The following MCCC1 variants were observed in gnomAD, a reference collection of about 807,000 sequenced individuals.
MCCC1 encodes methylcrotonoyl-CoA carboxylase subunit alpha, mitochondrial.
In MCCC1, 64 loss-of-function variants were observed where a neutral mutation model predicts 83.8. That is an observed-to-expected ratio of 0.76 (90% CI 0.62 to 0.94). MCCC1 has a LOEUF of 0.94. Among genes scored for constraint, MCCC1 ranks in the 40% least tolerant of loss-of-function variants. The pLI is 0.00. For missense variants in MCCC1, 807 were observed against 904.7 expected (o/e 0.89, Z 1.39); for synonymous variants, 322 against 315.4 (o/e 1.02, Z -0.22).
intron 7 of MCCC1, among the ~76,000 whole-genome samples, chr3:183,063,044 T>C: frequency 6.6e-6 from 1 of 152,084 alleles, no homozygotes; most frequent in East Asian, 1.9e-4. Context: ...AGTGCAGTGG[T>C]GTGACCTAGG....
chr3:183,035,934 G>A (rs968020510), intron 13 of MCCC1, among the ~76,000 whole-genome samples: 13 of 151,022 alleles, frequency 8.6e-5, no homozygotes, highest in African/African-American at 7.3e-5. Flanking sequence ...CTATTAACTC[G>A]TCATTTACAT....
chr3:183,088,020 G>A (rs933272210), intron 3 of MCCC1, among the ~76,000 whole-genome samples: 1 of 152,042 alleles, frequency 6.6e-6, no homozygotes, highest in African/African-American at 2.4e-5. Flanking sequence ...GTCCAGCTGA[G>A]TGACCGAAGA....
intron 17 of MCCC1, 134 bp from the exon 18 acceptor site, chr3:183,017,471 A>G: frequency 1.2e-6 from 1 of 805,658 alleles, no homozygotes; most frequent in Admixed American, 2.1e-5. Flanking sequence ...AATATAAACA[A>G]TAAAACATAA....
chr3:183,058,780 T>G (rs1380772589), intron 7 of MCCC1, among the ~76,000 whole-genome samples: 2 of 152,224 alleles, frequency 1.3e-5, no homozygotes. Context: ...TTCTTCTCGG[T>G]AGGTTTGTGA....
intron 4 of MCCC1, among the ~76,000 whole-genome samples, chr3:183,074,016 G>A (rs1411389151): frequency 6.6e-6 from 1 of 152,196 alleles, no homozygotes; most frequent in African/African-American, 2.4e-5. Flanking sequence ...CATCCTGGGA[G>A]GGACAAAGCA....
At chr3:183,026,712 GA>G (rs970047666) in intron 14 of MCCC1, among the ~76,000 whole-genome samples, 5 of 147,944 alleles carry the variant, frequency 3.4e-5, no homozygotes, top group African/African-American at 9.9e-5. Flanking sequence ...TCCATCTCAA[GA>G]AAAAAAAAAT....
At chr3:183,021,720 T>C (rs1712176272) in intron 16 of MCCC1, among the ~76,000 whole-genome samples, 1 of 152,182 alleles carries the variant, frequency 6.6e-6, no homozygotes, top group Admixed American at 6.5e-5. Context: ...TAATTGGCTA[T>C]GGAAAGGAAT....
chr3:183,071,161 A>T (rs1716648629), intron 6 of MCCC1, 41 bp from the exon 7 acceptor site: 1 of 1,614,206 alleles, frequency 6.2e-7, no homozygotes, highest in African/African-American at 1.3e-5. Context: ...CATAAATAAA[A>T]CAAAGAAGAC....
chr3:183,026,311 G>C (rs1294204734), intron 14 of MCCC1, among the ~76,000 whole-genome samples: 2 of 152,188 alleles, frequency 1.3e-5, no homozygotes, highest in African/African-American at 4.8e-5. Context: ...CAAAGTGCTA[G>C]AATTACAGAC....
chr3:183,111,455 A>C (rs1204678931), intron 1 of MCCC1, among the ~76,000 whole-genome samples: 1 of 151,994 alleles, frequency 6.6e-6, no homozygotes. Flanking sequence ...ACCTACCACC[A>C]CGCCTGGCTA....
intron 12 of MCCC1, among the ~76,000 whole-genome samples, chr3:183,037,831 A>C (rs1386730971): frequency 6.6e-6 from 1 of 152,240 alleles, no homozygotes; most frequent in East Asian, 1.9e-4. Context: ...GGAAGACTGC[A>C]AACAGCAAGC....
intron 7 of MCCC1, among the ~76,000 whole-genome samples, chr3:183,067,842 GT>G (rs1257319266): frequency 6.6e-6 from 1 of 152,090 alleles, no homozygotes; most frequent in Non-Finnish European, 1.5e-5. Flanking sequence ...ATATATTACT[GT>G]TATACTCTTT....
chr3:183,036,062 T>C (rs2108467695), intron 13 of MCCC1, among the ~76,000 whole-genome samples: 1 of 141,740 alleles, frequency 7.1e-6, no homozygotes, highest in South Asian at 2.4e-4. Context: ...CACCTATGAG[T>C]GAGAACATGC....
chr3:183,062,356 T>G (rs951554035), intron 7 of MCCC1, among the ~76,000 whole-genome samples: 6 of 131,742 alleles, frequency 4.6e-5, no homozygotes, highest in African/African-American at 1.8e-4. Context: ...TTCAGTTTTT[T>G]TTTTTTTTTT....
At position 183,057,416 on chromosome 3, in the gene MCCC1, T is replaced by C. The variant is rs567236851; in HGVS notation, c.768A>G (p.Val256=). ...IEKFVDTPRH[V]EVQVFGDHHG... is the part of the protein sequence containing the mutation. ...GGTGATCACCAAACACCTGGACTTC[T>C]ACATGCCTATATAAAAGCAAACATG... Residue 256 remains valine, a synonymous_variant, in exon 8 of 19, where the codon GTA becomes GTG. Coordinates refer to ENST00000265594, the MANE Select transcript of MCCC1 (RefSeq NM_020166.5). 6.9e-6 allele frequency: 11 copies of C among 1,601,844 alleles called. No homozygotes were observed. Among genetic ancestry groups the C allele is most frequent in the East Asian group, 2.2e-5 (1 of 44,762 alleles).
chr3:183,034,149 A>G (rs1257719934), intron 13 of MCCC1, 72 bp from the exon 14 acceptor site: 15 of 1,124,968 alleles, frequency 1.3e-5, no homozygotes, highest in Non-Finnish European at 1.9e-5. Context: ...TTACAAAAGA[A>G]AACATAAAAT....
chr3:183,054,351 AT>A (rs1007473696), intron 8 of MCCC1, among the ~76,000 whole-genome samples: 2 of 149,034 alleles, frequency 1.3e-5, no homozygotes, highest in Non-Finnish European at 1.5e-5. Flanking sequence ...ATGCCCGGCT[AT>A]TTTTTTTTGT....
intron 9 of MCCC1, among the ~76,000 whole-genome samples, chr3:183,047,786 T>TG (rs1182424990): frequency 2.6e-5 from 4 of 151,466 alleles, no homozygotes; most frequent in African/African-American, 9.7e-5. Flanking sequence ...CTTCCAATTC[T>TG]GAAAAACAGT....
chr3:183,051,134 C>G (rs1714944618), intron 9 of MCCC1, among the ~76,000 whole-genome samples: 1 of 152,102 alleles, frequency 6.6e-6, no homozygotes, highest in South Asian at 2.1e-4. Flanking sequence ...ACTAAATATT[C>G]TTTTACCATG....
Sources: gnomAD v4.1 joint callset for allele counts (sites outside exome capture counted in the v4.1 genomes callset) on GRCh38, gnomAD v4.1.1 for gene constraint, MANE v1.5 for transcripts, NCBI Gene and HGNC (gene_info 2026-07-23, HGNC 2026-07-21) for gene names.